The following UBE2L3 variants were observed in gnomAD, a reference collection of about 807,000 sequenced individuals.
UBE2L3 encodes ubiquitin conjugating enzyme E2 L3, also known as ubiquitin-conjugating enzyme E2 L3.
In UBE2L3, 1 loss-of-function variant was observed where a neutral mutation model predicts 17.8. That is an observed-to-expected ratio of 0.06 (90% confidence interval 0.02 to 0.27). The LOEUF (loss-of-function observed/expected upper bound fraction) is 0.27. Ranked by LOEUF, UBE2L3 falls within the 10% of genes least tolerant of loss-of-function variation. The probability of loss-of-function intolerance (pLI) is 1.00; values close to 1 mark genes in which losing one functional copy is unlikely to be tolerated. For missense variants in UBE2L3, 40 were observed against 192.6 expected (o/e 0.21, Z 4.69); for synonymous variants, 44 against 68.5 (o/e 0.64, Z 1.76).
chr22:21,605,862 G>A (rs755972577), intron 2 of UBE2L3, among the ~76,000 whole-genome samples: 1 of 151,858 alleles, frequency 6.6e-6, no homozygotes, highest in Non-Finnish European at 1.5e-5. Flanking sequence ...AGAGTGTAGA[G>A]GTGTGATCAT....
At chr22:21,556,703 C>T (rs533659756) in intron 1 of UBE2L3, among the ~76,000 whole-genome samples, 106 of 150,164 alleles carry the variant, frequency 7.1e-4, no homozygotes, top group Admixed American at 2.7e-3. Context: ...CTCGAGCAAT[C>T]CACCTGCCTC....
rs929339936 is a variant in UBE2L3, at chr22:21,623,719, G to A, written c.*2050G>A. ...CCGTCAGCAGAGGCTTGGCTTTCGAGCCAGTGGGTGTCTCTCCTTTGGGCC... is the reference window on the plus strand; with the variant it reads ...CCGTCAGCAGAGGCTTGGCTTTCGAACCAGTGGGTGTCTCTCCTTTGGGCC... On this transcript the variant is annotated 3_prime_UTR_variant, in exon 4 of 4. Coordinates refer to ENST00000342192, the MANE Select transcript of UBE2L3 (RefSeq NM_003347.4). The A allele has an allele frequency of 1.3e-5, 2 of 152,886 alleles. No individual in the cohort carries two copies. Among genetic ancestry groups the A allele is most frequent in the Admixed American group, 6.5e-5 (1 of 15,294 alleles). 9.5% of individuals were successfully genotyped at this position (152,886 alleles called of 1,614,324 possible).
At chr22:21,557,905 G>C (rs1455837729) in intron 1 of UBE2L3, among the ~76,000 whole-genome samples, 1 of 151,758 alleles carries the variant, frequency 6.6e-6, no homozygotes, top group South Asian at 2.1e-4. Flanking sequence ...AAACAAGTTT[G>C]AGAACCCCTG....
At chr22:21,576,413 T>G (rs1927299303) in intron 1 of UBE2L3, among the ~76,000 whole-genome samples, 1 of 151,828 alleles carries the variant, frequency 6.6e-6, no homozygotes, top group Non-Finnish European at 1.5e-5. Flanking sequence ...TTCTTCTGCC[T>G]CAGCCTCCCG....
At chr22:21,592,702 C>G (rs1162475956) in intron 1 of UBE2L3, among the ~76,000 whole-genome samples, 159 bp from the exon 2 acceptor site, 1 of 152,154 alleles carries the variant, frequency 6.6e-6, no homozygotes, top group African/African-American at 2.4e-5. Flanking sequence ...CATGGCAGCT[C>G]CATGCCTCCT....
chr22:21,563,057 C>T (rs572692325), upstream of UBE2L3, among the ~76,000 whole-genome samples: 205 of 151,060 alleles, frequency 1.4e-3, no homozygotes, highest in African/African-American at 4.2e-3. Context: ...GCCTGACCAA[C>T]ATGGTGAAAC....
At chr22:21,566,295 C>T (rs560361166), upstream of UBE2L3, among the ~76,000 whole-genome samples, 3 of 151,706 alleles carry the variant, frequency 2.0e-5, no homozygotes, top group East Asian at 2.0e-4. Context: ...TTAAAACATG[C>T]GTCTCAGCCC....
chr22:21,604,936 CT>C (rs955904112), intron 2 of UBE2L3, among the ~76,000 whole-genome samples: 3 of 152,020 alleles, frequency 2.0e-5, no homozygotes, highest in Non-Finnish European at 4.4e-5. Context: ...AGAACTGCTT[CT>C]TTTTTTTCCT....
At chr22:21,596,605 C>A (rs532490636) in intron 2 of UBE2L3, among the ~76,000 whole-genome samples, 1 of 152,194 alleles carries the variant, frequency 6.6e-6, no homozygotes, top group Admixed American at 6.5e-5. Context: ...GTTATGCGAT[C>A]TCGGCTCTCT....
At chr22:21,567,897 C>T in intron 1 of UBE2L3, 126 bp downstream of exon 1, 1 of 1,520,590 alleles carries the variant, frequency 6.6e-7, no homozygotes, top group Non-Finnish European at 8.8e-7. Context: ...CTCGTCGGTT[C>T]CCTGGGCCGC....
At chr22:21,580,047 T>C (rs1351932163) in intron 1 of UBE2L3, among the ~76,000 whole-genome samples, 1 of 152,198 alleles carries the variant, frequency 6.6e-6, no homozygotes, top group Non-Finnish European at 1.5e-5. Flanking sequence ...ACTGAATATG[T>C]TCATGTTTTT....
At chr22:21,621,375 T>C in intron 3 of UBE2L3, 140 bp from the exon 4 acceptor site, 1 of 1,076,074 alleles carries the variant, frequency 9.3e-7, no homozygotes, top group Non-Finnish European at 1.3e-6. Context: ...TTTGGATAAA[T>C]AGGAGGCAGC....
At chr22:21,587,422 A>AC (rs956400819) in intron 1 of UBE2L3, among the ~76,000 whole-genome samples, 14 of 151,314 alleles carry the variant, frequency 9.3e-5, no homozygotes, top group African/African-American at 3.4e-4. Flanking sequence ...CTCGTGATCC[A>AC]CCCGCCTTGG....
intron 2 of UBE2L3, among the ~76,000 whole-genome samples, chr22:21,595,554 G>T (rs550772104): frequency 6.6e-6 from 1 of 152,194 alleles, no homozygotes; most frequent in South Asian, 2.1e-4. Flanking sequence ...TGCCCTGGTC[G>T]TAGTGCACAG....
intron 1 of UBE2L3, chr22:21,555,200 C>T (rs942554678): frequency 2.0e-4 from 30 of 150,586 alleles, no homozygotes; most frequent in African/African-American, 7.5e-4. Flanking sequence ...TGCTTGGATC[C>T]AGGACTTCTG....
intron 2 of UBE2L3, among the ~76,000 whole-genome samples, chr22:21,607,743 C>T (rs1317706245): frequency 6.6e-6 from 1 of 152,046 alleles, no homozygotes; most frequent in East Asian, 1.9e-4. Flanking sequence ...TGTCCAGGCC[C>T]CAAAGGTGGT....
At chr22:21,589,961 A>T (rs1057228616) in intron 1 of UBE2L3, among the ~76,000 whole-genome samples, 4 of 152,032 alleles carry the variant, frequency 2.6e-5, no homozygotes, top group African/African-American at 9.7e-5. Flanking sequence ...GCTCACTCCC[A>T]TGGCAGTATT....
chr22:21,572,224 G>A (rs1207757758), intron 1 of UBE2L3, among the ~76,000 whole-genome samples: 2 of 152,002 alleles, frequency 1.3e-5, no homozygotes, highest in African/African-American at 4.8e-5. Context: ...CATGAGGTCA[G>A]GAGTTCGAGA....
chr22:21,567,900 T>C (rs1926723269), intron 1 of UBE2L3, 129 bp downstream of exon 1: 1 of 1,518,326 alleles, frequency 6.6e-7, no homozygotes, highest in African/African-American at 1.4e-5. Context: ...GTCGGTTCCC[T>C]GGGCCGCGCG....
Sources: allele counts gnomAD v4.1 joint callset (sites outside exome capture counted in the v4.1 genomes callset), GRCh38; gene constraint gnomAD v4.1.1; transcripts MANE v1.5; gene names NCBI Gene and HGNC (gene_info 2026-07-23, HGNC 2026-07-21).